The following HCN1 variants were observed in gnomAD, a reference collection of about 807,000 sequenced individuals.
HCN1 encodes potassium/sodium hyperpolarization-activated cyclic nucleotide-gated channel 1.
In HCN1, 13 loss-of-function variants were observed where a neutral mutation model predicts 78.9. The observed-to-expected ratio is 0.16, with a 90% CI of 0.11 to 0.26. HCN1 has a LOEUF of 0.26. HCN1 is among the 10% of genes least tolerant of loss of function. The pLI, the probability that HCN1 is intolerant of heterozygous loss-of-function variation, is 1.00. For missense variants in HCN1, 810 were observed against 1,154.3 expected (o/e 0.70, Z 4.32); for synonymous variants, 552 against 455.5 (o/e 1.21, Z -2.70).
intron 1 of HCN1, among the ~76,000 whole-genome samples, chr5:45,688,288 T>A (rs1172162532): frequency 6.6e-6 from 1 of 152,142 alleles, no homozygotes; most frequent in Non-Finnish European, 1.5e-5. Context: ...TCTTATTATG[T>A]AAAAGAGTTG....
chr5:45,589,050 A>G (rs570533136), intron 2 of HCN1, among the ~76,000 whole-genome samples: 4 of 152,302 alleles, frequency 2.6e-5, no homozygotes, highest in Admixed American at 6.5e-5. Flanking sequence ...TCTGAGAGAG[A>G]GCTTTATGTT....
rs376864106 is a variant in HCN1 at position 45,587,418 on chromosome 5, A to T, written c.849+57767T>A. Among the ~76,000 whole-genome samples the T allele has an allele frequency of 1.4e-4, 22 of 152,288 alleles. No individual in the cohort carries two copies. The East Asian group carries it at 3.9e-3, about 27-fold the overall frequency. ...TTTGTAGGGACATGGATGAAGCTGG[A>T]AACCATCATTCTCAGCAAACTATCG... On this transcript the variant is annotated intron_variant, in intron 2 of 7. Coordinates refer to ENST00000303230, the MANE Select transcript of HCN1 (RefSeq NM_021072.4).
chr5:45,687,002 TAG>T (rs34930444), intron 1 of HCN1, among the ~76,000 whole-genome samples: 40,735 of 152,018 alleles, frequency 0.27, 5,534 homozygotes, highest in East Asian at 0.32. Flanking sequence ...TAGTTAATAC[TAG>T]AGTTCTTAAT....
At chr5:45,335,697 A>G (rs897838309) in intron 5 of HCN1, among the ~76,000 whole-genome samples, 1 of 152,146 alleles carries the variant, frequency 6.6e-6, no homozygotes, top group Admixed American at 6.6e-5. Context: ...TTGTAGTAAC[A>G]TTAAGAGTTA....
intron 1 of HCN1, among the ~76,000 whole-genome samples, chr5:45,676,188 C>T (rs1746263385): frequency 6.6e-6 from 1 of 151,726 alleles, no homozygotes; most frequent in Non-Finnish European, 1.5e-5. Flanking sequence ...TATACTTTGT[C>T]ACTTAAGCTT....
chr5:45,342,291 T>C (rs545983691), intron 5 of HCN1, among the ~76,000 whole-genome samples: 46 of 151,578 alleles, frequency 3.0e-4, no homozygotes, highest in South Asian at 6.3e-4. Context: ...AGCAGTGCAG[T>C]GGATCTCAAC....
chr5:45,696,117 G>T lies in HCN1; in HGVS notation c.-24C>A. The T allele has an allele frequency of 7.6e-7, 1 of 1,315,048 alleles. No homozygotes were observed. The highest frequency in any genetic ancestry group is 9.8e-7 in the Non-Finnish European group (1 of 1,019,490). The allele number at this position is 1,315,048 out of a possible 1,614,324, so 81.5% of individuals were successfully genotyped here. A position where few individuals can be genotyped will look rare whatever the true frequency, so the allele number is the denominator to read the frequency against. Reference sequence around the variant, plus strand: ...ATGCCCGGAGGACGCGGCCGGCGACGGCGCGGGCTCCAGACTCGCCGGCCG... The same window carrying T: ...ATGCCCGGAGGACGCGGCCGGCGACTGCGCGGGCTCCAGACTCGCCGGCCG... On this transcript the variant is annotated 5_prime_UTR_variant, in exon 1 of 8. Transcript: ENST00000303230.
chr5:45,595,447 C>T (rs1204450837), intron 2 of HCN1, among the ~76,000 whole-genome samples: 1 of 152,158 alleles, frequency 6.6e-6, no homozygotes, highest in Non-Finnish European at 1.5e-5. Flanking sequence ...AAGCAATTCT[C>T]CTGCCTCAGC....
chr5:45,453,778 G>A lies in HCN1; in HGVS notation c.1011+8068C>T, dbSNP rs188010555. ...TTTCCTTCAAAATAGGTGAGATAAT[G>A]TGTTATACATACATGAATACTATAT... On this transcript the variant is annotated intron_variant, in intron 3 of 7. Transcript: ENST00000303230. Among the ~76,000 whole-genome samples, 106 of 152,192 alleles carry A rather than the reference G, an allele frequency of 7.0e-4. 1 individual carries two copies. In the Middle Eastern group the frequency reaches 0.017, roughly 24 times the overall value.
chr5:45,432,499 G>T (rs1270085046), intron 3 of HCN1, among the ~76,000 whole-genome samples: 1 of 151,926 alleles, frequency 6.6e-6, no homozygotes, highest in Admixed American at 6.6e-5. Flanking sequence ...GTACTAGATT[G>T]CTCTAGGACT....
At chr5:45,523,858 A>T (rs1579948110) in intron 2 of HCN1, among the ~76,000 whole-genome samples, 1 of 151,970 alleles carries the variant, frequency 6.6e-6, no homozygotes, top group African/African-American at 2.4e-5. Context: ...GAAGCTCTTT[A>T]GTTTAATTAG....
intron 2 of HCN1, among the ~76,000 whole-genome samples, chr5:45,494,302 A>G (rs1485197274): frequency 2.6e-5 from 4 of 152,058 alleles, no homozygotes; most frequent in Non-Finnish European, 4.4e-5. Context: ...TCTAACTGGT[A>G]TGAGATGGTA....
intron 7 of HCN1, 77 bp downstream of exon 7, chr5:45,267,012 T>A (rs1744872212): frequency 8.1e-7 from 1 of 1,237,498 alleles, no homozygotes; most frequent in African/African-American, 1.5e-5. Flanking sequence ...CCCCACTGCA[T>A]TTGGGACTTA....
At chr5:45,302,382 T>C (rs554539876) in intron 6 of HCN1, among the ~76,000 whole-genome samples, 2 of 152,228 alleles carry the variant, frequency 1.3e-5, no homozygotes, top group Non-Finnish European at 2.9e-5. Context: ...CCCAGCTATG[T>C]GGAACTGTGA....
At chr5:45,581,348 C>T (rs893041496) in intron 2 of HCN1, among the ~76,000 whole-genome samples, 2 of 152,132 alleles carry the variant, frequency 1.3e-5, no homozygotes, top group Admixed American at 1.3e-4. Flanking sequence ...GTATCCTTCA[C>T]CCACTTTTTG....
At chr5:45,475,527 T>A (rs1181209089) in intron 2 of HCN1, among the ~76,000 whole-genome samples, 1 of 152,100 alleles carries the variant, frequency 6.6e-6, no homozygotes, top group Admixed American at 6.6e-5. Context: ...AAAAATGAGA[T>A]CTGAATGTAT....
intron 1 of HCN1, among the ~76,000 whole-genome samples, chr5:45,653,076 G>T (rs1186305375): frequency 6.6e-6 from 1 of 151,862 alleles, no homozygotes; most frequent in East Asian, 1.9e-4. Context: ...TCCCAATTCG[G>T]TACCTGGAAT....
chr5:45,350,446 TC>T (rs1163278270), intron 5 of HCN1, among the ~76,000 whole-genome samples: 1 of 152,096 alleles, frequency 6.6e-6, no homozygotes, highest in African/African-American at 2.4e-5. Context: ...CTGGAAGCAT[TC>T]CCTTTGAAAA....
chr5:45,279,482 AC>A (rs1408513741), intron 6 of HCN1, among the ~76,000 whole-genome samples: 3 of 152,178 alleles, frequency 2.0e-5, no homozygotes, highest in Non-Finnish European at 2.9e-5. Context: ...GATAAAAGTT[AC>A]AAAAAAGCAG....
Sources: gnomAD v4.1 joint callset for allele counts (sites outside exome capture counted in the v4.1 genomes callset) on GRCh38, gnomAD v4.1.1 for gene constraint, MANE v1.5 for transcripts, NCBI Gene and HGNC (gene_info 2026-07-23, HGNC 2026-07-21) for gene names.